The following DAPK1 variants were observed in gnomAD, a reference collection of about 807,000 sequenced individuals.
The protein encoded by DAPK1 is death associated protein kinase 1, also known as death-associated protein kinase 1.
DAPK1 carries 56 observed loss-of-function variants against 144.9 expected under a neutral mutation model. The ratio of observed to expected loss-of-function variants is 0.39; its 90% CI spans 0.31 to 0.48. DAPK1 has a LOEUF of 0.48. Among genes scored for constraint, DAPK1 ranks in the 20% least tolerant of loss-of-function variants. DAPK1 has a pLI of 0.95. For synonymous variants in DAPK1, 690 were observed against 749.0 expected, an observed-to-expected ratio of 0.92 and a Z score of 1.29; for missense variants, 1,454 against 1,875.4, an observed-to-expected ratio of 0.78 and a Z score of 4.15.
intron 2 of DAPK1, among the ~76,000 whole-genome samples, chr9:87,537,603 C>T (rs935797122): frequency 6.6e-5 from 5 of 75,808 alleles, no homozygotes; most frequent in Admixed American, 5.8e-4. Context: ...GTGTGTGCGG[C>T]ATACATGGTA....
intron 2 of DAPK1, among the ~76,000 whole-genome samples, chr9:87,569,625 T>G (rs1344683050): frequency 6.6e-6 from 1 of 152,138 alleles, no homozygotes; most frequent in Non-Finnish European, 1.5e-5. Flanking sequence ...ATAGGCCATG[T>G]TTTTCAAAGG....
intron 3 of DAPK1, among the ~76,000 whole-genome samples, chr9:87,622,941 A>T (rs950502885): frequency 1.4e-4 from 22 of 152,124 alleles, no homozygotes; most frequent in Non-Finnish European, 2.9e-4. Context: ...AGGACTTTTT[A>T]AAAATTCCAT....
intron 2 of DAPK1, among the ~76,000 whole-genome samples, chr9:87,558,452 T>C (rs552030532): frequency 1.1e-4 from 17 of 152,292 alleles, no homozygotes; most frequent in African/African-American, 3.4e-4. Context: ...AAATCTTCCA[T>C]GAATACAGGA....
intron 2 of DAPK1, among the ~76,000 whole-genome samples, chr9:87,502,437 G>A (rs1395947145): frequency 1.3e-5 from 2 of 152,110 alleles, no homozygotes; most frequent in Admixed American, 6.5e-5. Context: ...CTATTATACC[G>A]AGGTGTTTTA....
chr9:87,664,506 A>G (rs1302604271), intron 18 of DAPK1, among the ~76,000 whole-genome samples: 1 of 151,960 alleles, frequency 6.6e-6, no homozygotes, highest in African/African-American at 2.4e-5. Flanking sequence ...ATCCATCAAC[A>G]TTCACCTCCA....
rs763518301 is a variant in DAPK1 at position 87,681,503 on chromosome 9, A to C, written c.2101A>C (p.Thr701Pro). The C allele has an allele frequency of 6.2e-7, 1 of 1,612,470 alleles. No individual in the cohort carries two copies. The highest frequency in any genetic ancestry group is 8.5e-7 in the Non-Finnish European group (1 of 1,178,668). The change falls in exon 20 of 26, where the codon ACC becomes CCC. Residue 701 changes from threonine (T) to proline (P), a missense_variant. Physicochemically the swap from Thr to Pro is conservative, Grantham distance 38. Transcript: ENST00000408954. ...GTTTGGCCACTCGGGATCCGGGAAA[A>C]CCACCCTTGTAGAATCTCTCAAGTG... ...KLFGHSGSGK[T>P]TLVESLKCGL... is the part of the protein sequence containing the mutation.
rs1830346589 is a variant in DAPK1 at position 87,648,778 on chromosome 9, C to T, written c.1330-3C>T. On this transcript the variant is annotated splice_region_variant and splice_polypyrimidine_tract_variant and intron_variant, in intron 14 of 25. Coordinates refer to ENST00000408954, the MANE Select transcript of DAPK1 (RefSeq NM_004938.4). ...TGAATCACCGGCTCCTTTTCTTCTG[C>T]AGTCTGGAGAGATGGCCCTCCACGT... 4 of 1,613,268 alleles carry T rather than the reference C, an allele frequency of 2.5e-6. No homozygotes were observed. The highest frequency in any genetic ancestry group is 3.4e-6 in the Non-Finnish European group (4 of 1,179,276).
intron 3 of DAPK1, among the ~76,000 whole-genome samples, chr9:87,633,784 G>C: frequency 6.6e-6 from 1 of 152,212 alleles, no homozygotes; most frequent in East Asian, 1.9e-4. Context: ...GATGGTGCAT[G>C]TTCTAGCCTT....
intron 2 of DAPK1, among the ~76,000 whole-genome samples, chr9:87,505,810 T>C (rs550552475): frequency 2.1e-4 from 32 of 152,298 alleles, no homozygotes; most frequent in African/African-American, 6.0e-4. Flanking sequence ...TGTCTCAGCC[T>C]CCAAATAGCT....
In DAPK1 at chr9:87,571,470, CACACCAACACACACACACACACACCCCA is replaced by C. The variant is rs1564000796; in HGVS notation, c.63-33479_63-33452del. Among the ~76,000 whole-genome samples, 203 of 53,678 alleles carry C rather than the reference CACACCAACACACACACACACACACCCCA, an allele frequency of 3.8e-3. 37 individuals carry two copies. The highest frequency in any genetic ancestry group is 8.8e-3 in the African/African-American group (98 of 11,078). The allele number at this position is 53,678 out of a possible 152,430, so 35.2% of individuals were successfully genotyped here. A position where few individuals can be genotyped will look rare whatever the true frequency, so the allele number is the denominator to read the frequency against. The stretch of plus-strand genomic sequence containing the variant: ...ACACACACACACACACACACACACA[CACACCAACACACACACACACACACCCCA>C]ACACACACACACACACACACACACA... On this transcript the variant is annotated intron_variant, in intron 2 of 25. Coordinates refer to ENST00000408954, the MANE Select transcript of DAPK1 (RefSeq NM_004938.4).
chr9:87,554,812 A>AC (rs1478772821), intron 2 of DAPK1, among the ~76,000 whole-genome samples: 1 of 151,536 alleles, frequency 6.6e-6, no homozygotes, highest in African/African-American at 2.4e-5. Context: ...CATTTCCCCC[A>AC]CCCCCACCGG....
In DAPK1 at chr9:87,706,741, G is replaced by A; in HGVS notation, c.3670G>A (p.Ala1224Thr). ...SVCSTIENVM[A>T]TTLPGLLTVK... ...GTGCAGCACCATTGAGAACGTCATG[G>A]CCACCACGCTGCCAGGGCTCCTGAC... is the stretch of plus-strand genomic sequence containing the variant. The change falls in exon 26 of 26, where the codon GCC becomes ACC. Residue 1224 changes from alanine to threonine, a missense_variant. This residue lies in a region of DAPK1 where 1,025 missense variants were observed against 1,237.9 expected (regional missense o/e 0.83). Coordinates refer to ENST00000408954, the MANE Select transcript of DAPK1 (RefSeq NM_004938.4). This position sits in a 1 kb window ranked among gnomAD's most constrained non-coding sequence, Gnocchi z 9.0. The A allele has an allele frequency of 6.2e-7, 1 of 1,613,306 alleles. No homozygotes were observed. Among genetic ancestry groups the A allele is most frequent in the Non-Finnish European group, 8.5e-7 (1 of 1,179,836 alleles).
chr9:87,559,834 C>T (rs1020810387), intron 2 of DAPK1, among the ~76,000 whole-genome samples: 2 of 152,076 alleles, frequency 1.3e-5, no homozygotes, highest in African/African-American at 4.8e-5. Context: ...GTGAGTGACC[C>T]AGTGTCACCA....
intron 19 of DAPK1, among the ~76,000 whole-genome samples, chr9:87,674,967 G>C (rs142272797): frequency 2.6e-5 from 4 of 152,282 alleles, no homozygotes; most frequent in Non-Finnish European, 5.9e-5. Flanking sequence ...AGTGTCTACT[G>C]TAAGAGCTGT....
chr9:87,683,393 T>G (rs1399580419), intron 20 of DAPK1, among the ~76,000 whole-genome samples: 1 of 152,180 alleles, frequency 6.6e-6, no homozygotes. Context: ...CAGTGTGATT[T>G]CTGCTCTAGT....
chr9:87,610,649 TAC>T (rs909950669), intron 3 of DAPK1, among the ~76,000 whole-genome samples: 6 of 152,226 alleles, frequency 3.9e-5, no homozygotes, highest in African/African-American at 1.4e-4. Context: ...GGGCTAGGCA[TAC>T]AATGTAAATG....
intron 3 of DAPK1, among the ~76,000 whole-genome samples, chr9:87,636,861 C>T (rs1250773041): frequency 6.6e-6 from 1 of 152,142 alleles, no homozygotes; most frequent in African/African-American, 2.4e-5. Flanking sequence ...CTGTTATTTG[C>T]CATTCATCGC....
In DAPK1 at chr9:87,702,451, T is replaced by C. The variant is rs1825486866; in HGVS notation, c.2872-578T>C. ...TAAACACTCACTCTAATATTGATGA[T>C]GATACTCATTCTCTTTTCCTCTGTT... On this transcript the variant is annotated intron_variant, in intron 24 of 25. Coordinates refer to ENST00000408954, the MANE Select transcript of DAPK1 (RefSeq NM_004938.4). Among the ~76,000 whole-genome samples the C allele has an allele frequency of 2.0e-5, 3 of 152,294 alleles. No homozygotes were observed. The South Asian group carries it at 6.2e-4, about 32-fold the overall frequency.
intron 3 of DAPK1, among the ~76,000 whole-genome samples, chr9:87,624,137 C>T (rs921797663): frequency 2.6e-5 from 4 of 152,218 alleles, no homozygotes; most frequent in Admixed American, 2.6e-4. Flanking sequence ...AGCAGGGACA[C>T]CTTTTCCCTA....
Sources: gnomAD v4.1 joint callset for allele counts (sites outside exome capture counted in the v4.1 genomes callset) on GRCh38, gnomAD v4.1.1 for gene constraint, gnomAD v4.1.1 regional missense constraint, Gnocchi (gnomAD v3.1) non-coding constraint, MANE v1.5 for transcripts, NCBI Gene and HGNC (gene_info 2026-07-23, HGNC 2026-07-21) for gene names.